The following CRTAC1 variants were observed in gnomAD, a reference collection of about 807,000 sequenced individuals.
CRTAC1 encodes the protein acidic secreted protein in cartilage.
Under a neutral mutation model 67.8 loss-of-function variants are expected in CRTAC1, and 37 were observed. The ratio of observed to expected loss-of-function variants is 0.55; its 90% CI spans 0.42 to 0.72. The LOEUF (loss-of-function observed/expected upper bound fraction) is 0.72, where lower values mean the gene tolerates loss of function less well. CRTAC1 is among the 30% of genes least tolerant of loss of function. The pLI is 0.00. For missense variants in CRTAC1, 780 were observed against 931.6 expected (o/e 0.84, Z 2.12); for synonymous variants, 348 against 371.0 (o/e 0.94, Z 0.71).
At chr10:97,930,047 C>T (rs1437488232) in intron 3 of CRTAC1, among the ~76,000 whole-genome samples, 3 of 151,488 alleles carry the variant, frequency 2.0e-5, no homozygotes, top group Non-Finnish European at 4.4e-5. Flanking sequence ...CGATCAGCTC[C>T]CGCCAGGCAC....
At chr10:97,969,346 C>T (rs996071255) in intron 2 of CRTAC1, among the ~76,000 whole-genome samples, 8 of 152,264 alleles carry the variant, frequency 5.3e-5, no homozygotes, top group African/African-American at 1.9e-4. Flanking sequence ...CCCTCCCAGC[C>T]CCTTGACAAT....
chr10:98,030,067 C>T lies in CRTAC1; in HGVS notation c.24+382G>A, dbSNP rs2136715882. ...CAGCCTGGCTGACTGGGAGACTCTC[C>T]CGATAGCCCGGCACATCCCTCCTCA... is the stretch of plus-strand genomic sequence containing the variant. On this transcript the variant is annotated intron_variant, in intron 1 of 14. Transcript: ENST00000370597. The surrounding 1 kb of genome is among the most constrained non-coding windows in gnomAD (Gnocchi z 4.2). Among the ~76,000 whole-genome samples, 1 of 152,252 alleles carries T rather than the reference C, an allele frequency of 6.6e-6. No homozygotes were observed. The highest frequency in any genetic ancestry group is 6.5e-5 in the Admixed American group (1 of 15,306).
At chr10:98,028,578 T>C (rs752032326) in intron 1 of CRTAC1, among the ~76,000 whole-genome samples, 2 of 152,152 alleles carry the variant, frequency 1.3e-5, no homozygotes, top group East Asian at 1.9e-4. Flanking sequence ...TGCGCAGCCA[T>C]AGGACGTCTT....
intron 2 of CRTAC1, among the ~76,000 whole-genome samples, chr10:97,981,784 A>G (rs1191090944): frequency 1.3e-5 from 2 of 152,238 alleles, no homozygotes; most frequent in Non-Finnish European, 1.5e-5. Context: ...ATCTTTGTCA[A>G]TATTGAGTAG....
chr10:98,011,092 C>A (rs1262036373), intron 2 of CRTAC1, 46 bp downstream of exon 2: 1 of 1,566,010 alleles, frequency 6.4e-7, no homozygotes, highest in African/African-American at 1.4e-5. Flanking sequence ...CTTATTACAG[C>A]AAAATCTGAT....
chr10:97,996,476 T>C (rs1488631707), intron 2 of CRTAC1, among the ~76,000 whole-genome samples: 1 of 151,744 alleles, frequency 6.6e-6, no homozygotes, highest in African/African-American at 2.4e-5. Context: ...AAAAAACACA[T>C]GAAAAAATGC....
At chr10:98,003,149 T>A (rs370569457) in intron 2 of CRTAC1, among the ~76,000 whole-genome samples, 2 of 152,206 alleles carry the variant, frequency 1.3e-5, no homozygotes, top group Non-Finnish European at 2.9e-5. Context: ...GTTGGTAGCA[T>A]ATTTCGTTTA....
At chr10:97,980,489 G>A (rs1418291565) in intron 2 of CRTAC1, among the ~76,000 whole-genome samples, 2 of 152,204 alleles carry the variant, frequency 1.3e-5, no homozygotes, top group African/African-American at 4.8e-5. Flanking sequence ...ACCATCAGTA[G>A]TGGCTGTGAG....
chr10:97,873,367 C>T (rs1296700581), intron 14 of CRTAC1, among the ~76,000 whole-genome samples: 1 of 152,222 alleles, frequency 6.6e-6, no homozygotes, highest in Non-Finnish European at 1.5e-5. Flanking sequence ...TTTCCAATGA[C>T]TGGGTGACAC....
chr10:98,002,829 A>T (rs568322024), intron 2 of CRTAC1, among the ~76,000 whole-genome samples: 6 of 112,202 alleles, frequency 5.3e-5, no homozygotes, highest in African/African-American at 2.1e-4. Flanking sequence ...CCCAGGCTGG[A>T]GTGCAGAGGT....
intron 2 of CRTAC1, among the ~76,000 whole-genome samples, chr10:97,970,713 T>C (rs1200410906): frequency 2.0e-5 from 3 of 152,244 alleles, no homozygotes; most frequent in Admixed American, 1.3e-4. Flanking sequence ...TAATATCTTT[T>C]GTAACATCTT....
intron 3 of CRTAC1, 33 bp downstream of exon 3, chr10:97,936,137 G>C (rs2051082486): frequency 6.5e-7 from 1 of 1,549,790 alleles, no homozygotes; most frequent in Non-Finnish European, 8.8e-7. Context: ...GAGAAGATGG[G>C]AAGCAGGAAG....
chr10:97,897,823 G>A (rs1478157694), intron 8 of CRTAC1, among the ~76,000 whole-genome samples: 2 of 152,210 alleles, frequency 1.3e-5, no homozygotes, highest in Non-Finnish European at 2.9e-5. Context: ...GATGTGTGGG[G>A]CAATGATGGG....
At chr10:97,882,972 C>T in intron 12 of CRTAC1, 144 bp from the exon 13 acceptor site, 1 of 777,300 alleles carries the variant, frequency 1.3e-6, no homozygotes, top group South Asian at 1.7e-5. Context: ...GGAGCCCCCT[C>T]CCTTGTAAGA....
At chr10:97,881,054 C>T (rs10883011) in intron 13 of CRTAC1, among the ~76,000 whole-genome samples, 41,671 of 152,098 alleles carry the variant, frequency 0.27, 5,913 homozygotes, top group Non-Finnish European at 0.31. Context: ...GCCTGGATTT[C>T]TGCAGCTGCC....
intron 14 of CRTAC1, chr10:97,870,555 A>T (rs1224010336): frequency 6.6e-6 from 1 of 152,120 alleles, no homozygotes; most frequent in Non-Finnish European, 1.5e-5. Flanking sequence ...GAATTCACTG[A>T]GCTGTATACT....
chr10:98,005,100 A>ATATATTTTTTTTTT lies in CRTAC1; in HGVS notation c.224+6037_224+6038insAAAAAAAAAATATA. ...GTAATACATATATATATATATATAT[A>ATATATTTTTTTTTT]TTTTTTTTTTTTTTTTTTTTTGAGA... is the stretch of plus-strand genomic sequence containing the variant. On this transcript the variant is annotated intron_variant, in intron 2 of 14. Transcript: ENST00000370597. 1.5e-3 allele frequency among the ~76,000 whole-genome samples: 71 copies of ATATATTTTTTTTTT among 48,882 alleles called. 3 individuals are homozygous for ATATATTTTTTTTTT. Among genetic ancestry groups the ATATATTTTTTTTTT allele is most frequent in the Non-Finnish European group, 1.9e-3 (56 of 28,966 alleles). The allele number at this position is 48,882 out of a possible 152,430, so 32.1% of individuals were successfully genotyped here.
intron 8 of CRTAC1, 106 bp from the exon 9 acceptor site, chr10:97,897,097 G>GC: frequency 1.3e-6 from 1 of 752,914 alleles, no homozygotes; most frequent in Admixed American, 2.6e-5. Context: ...GTCCCAATGT[G>GC]CATGGGCTAC....
At chr10:97,941,235 C>G (rs1464289120) in intron 2 of CRTAC1, among the ~76,000 whole-genome samples, 1 of 152,146 alleles carries the variant, frequency 6.6e-6, no homozygotes, top group Non-Finnish European at 1.5e-5. Flanking sequence ...AAAGCACTCT[C>G]TCTTCTAGGC....
Sources: gnomAD v4.1 joint callset for allele counts (sites outside exome capture counted in the v4.1 genomes callset) on GRCh38, gnomAD v4.1.1 for gene constraint, Gnocchi (gnomAD v3.1) non-coding constraint, MANE v1.5 for transcripts, NCBI Gene and HGNC (gene_info 2026-07-23, HGNC 2026-07-21) for gene names.